Variants in PEX5 observed in about 807,000 individuals in gnomAD.
PEX5 encodes the protein peroxisomal biogenesis factor 5.
In PEX5, 52 loss-of-function variants were observed where a neutral mutation model predicts 82.9. The observed-to-expected ratio is 0.63, with a 90% CI of 0.50 to 0.79. PEX5 has a LOEUF of 0.79. Among genes scored for constraint, PEX5 ranks in the 30% least tolerant of loss-of-function variants. The probability of loss-of-function intolerance (pLI) is 0.00; values close to 1 mark genes in which losing one functional copy is unlikely to be tolerated. For missense variants in PEX5, 719 were observed against 815.2 expected, an observed-to-expected ratio of 0.88 and a Z score of 1.44; for synonymous variants, 300 against 318.8, an observed-to-expected ratio of 0.94 and a Z score of 0.63.
downstream of PEX5, among the ~76,000 whole-genome samples, chr12:7,215,509 G>T (rs1945752266): frequency 6.6e-6 from 1 of 152,186 alleles, no homozygotes; most frequent in Non-Finnish European, 1.5e-5. Flanking sequence ...ATCAATGGTG[G>T]ACTGGATAAA....
At chr12:7,216,153 A>G (rs1945773069), downstream of PEX5, among the ~76,000 whole-genome samples, 1 of 152,102 alleles carries the variant, frequency 6.6e-6, no homozygotes. Flanking sequence ...TTTTTAGTAG[A>G]GACAAGGTTT....
At chr12:7,198,972 T>G (rs1943222232) in intron 5 of PEX5, 39 bp from the exon 6 acceptor site, 2 of 1,141,272 alleles carry the variant, frequency 1.8e-6, no homozygotes, top group South Asian at 2.6e-5. Context: ...CCACACTGAA[T>G]GAACCTGTGT....
intron 5 of PEX5, among the ~76,000 whole-genome samples, chr12:7,193,087 CTT>C (rs1941449370): frequency 6.6e-6 from 1 of 152,166 alleles, no homozygotes; most frequent in Non-Finnish European, 1.5e-5. Flanking sequence ...CTCATTAGAA[CTT>C]CACAGTAACA....
downstream of PEX5, among the ~76,000 whole-genome samples, chr12:7,215,205 A>ATCTC (rs1377942851): frequency 6.6e-6 from 1 of 152,224 alleles, no homozygotes; most frequent in East Asian, 1.9e-4. Context: ...ATGAGATACC[A>ATCTC]TCTCACACCA....
At chr12:7,197,272 C>A (rs1942763161) in intron 5 of PEX5, among the ~76,000 whole-genome samples, 4 of 130,734 alleles carry the variant, frequency 3.1e-5, no homozygotes, top group African/African-American at 8.6e-5. Context: ...TTATATATGT[C>A]ATATATAATG....
upstream of PEX5, chr12:7,189,471 C>G (rs1343511579): frequency 6.4e-6 from 1 of 155,866 alleles, no homozygotes; most frequent in Non-Finnish European, 1.4e-5. Context: ...CAAACAAATC[C>G]TAGGGCCCGT....
Position 7,200,089 on chromosome 12 carries a change from C to T in PEX5, c.551+976C>T, listed in dbSNP as rs1348806193. Reference sequence around the variant, plus strand: ...GGGGGGCTGACCCCCACCTCCCTCCCGGACGGGGTGGCTGCCGGGCGGAGA... The same window carrying T: ...GGGGGGCTGACCCCCACCTCCCTCCTGGACGGGGTGGCTGCCGGGCGGAGA... On this transcript the variant is annotated intron_variant, in intron 6 of 15. Transcript: ENST00000675855. Among the ~76,000 whole-genome samples, 19 of 138,348 alleles carry T rather than the reference C, an allele frequency of 1.4e-4. No individual in the cohort carries two copies. The South Asian group carries it at 2.6e-3, about 19-fold the overall frequency. 90.8% of individuals were successfully genotyped at this position (138,348 alleles called of 152,430 possible).
chr12:7,197,390 AATT>A (rs1160791686), intron 5 of PEX5, among the ~76,000 whole-genome samples: 1 of 103,502 alleles, frequency 9.7e-6, no homozygotes, highest in African/African-American at 3.8e-5. Flanking sequence ...ACAATGTAAT[AATT>A]ATATATATGT....
Position 7,208,516 on chromosome 12 carries a change from CCAA to C in PEX5, c.1243_1245del (p.Asn415del). On this transcript the variant is annotated inframe_deletion, in exon 13 of 16. Coordinates refer to ENST00000675855, the MANE Select transcript of PEX5 (RefSeq NM_001351132.2). ...CTGATGGCGCTGGCTGTGAGCTTCA[CCAA>C]CGAGTCCCTGCAGCGACAGGCCTGT... The C allele has an allele frequency of 6.2e-7, 1 of 1,614,140 alleles. No individual in the cohort carries two copies. Among genetic ancestry groups the C allele is most frequent in the East Asian group, 2.2e-5 (1 of 44,874 alleles).
rs2136243242 is a variant in PEX5, at chr12:7,209,080, G to A, written c.1470G>A (p.Val490=). Residue 490 remains valine, a synonymous_variant, in exon 14 of 16, where the codon GTG becomes GTA. Coordinates refer to ENST00000675855, the MANE Select transcript of PEX5 (RefSeq NM_001351132.2). ...ACCCTACCTCCATTGACCCTGATGTGCAGTGTGGCTTGGGAGTCCTTTTCA... is the reference window on the plus strand; with the variant it reads ...ACCCTACCTCCATTGACCCTGATGTACAGTGTGGCTTGGGAGTCCTTTTCA... The part of the protein sequence containing the change: ...RLDPTSIDPD[V]QCGLGVLFNL... 4.3e-6 allele frequency: 7 copies of A among 1,614,034 alleles called. No individual in the cohort carries two copies. Among genetic ancestry groups the A allele is most frequent in the Non-Finnish European group, 5.9e-6 (7 of 1,179,946 alleles).
At position 7,197,375 on chromosome 12, in the gene PEX5, CATATACAATGTAATAA is replaced by C. The variant is rs1453055835; in HGVS notation, c.449-1635_449-1620del. On this transcript the variant is annotated intron_variant, in intron 5 of 15. Coordinates refer to ENST00000675855, the MANE Select transcript of PEX5 (RefSeq NM_001351132.2). ...TATACAATGTAATAATTATATATGT[CATATACAATGTAATAA>C]TTATATATATGTCATATACAATGTA... Among the ~76,000 whole-genome samples the C allele has an allele frequency of 5.6e-4, 77 of 137,640 alleles. 2 individuals are homozygous for C. The highest frequency in any genetic ancestry group is 2.2e-3 in the Admixed American group (29 of 13,458). The allele number at this position is 137,640 out of a possible 152,430, so 90.3% of individuals were successfully genotyped here. A position where few individuals can be genotyped will look rare whatever the true frequency, so the allele number is the denominator to read the frequency against.
At chr12:7,207,242 A>G (rs1443702304) in intron 10 of PEX5, among the ~76,000 whole-genome samples, 2 of 152,190 alleles carry the variant, frequency 1.3e-5, no homozygotes, top group African/African-American at 4.8e-5. Flanking sequence ...CATTTCCTTT[A>G]TACATCATCA....
rs746104983 is a variant in PEX5, at chr12:7,199,109, C to T, written c.547C>T (p.Arg183Cys). 1.6e-5 allele frequency: 25 copies of T among 1,570,050 alleles called. No individual in the cohort carries two copies. Among genetic ancestry groups the T allele is most frequent in the Middle Eastern group, 1.7e-4 (1 of 5,990 alleles). Residue 183 changes from arginine (R) to cysteine (C), a missense_variant, in exon 6 of 16, where the codon CGC becomes TGC. Arg to Cys is a radical substitution (Grantham distance 180, BLOSUM62 -3). Coordinates refer to ENST00000675855, the MANE Select transcript of PEX5 (RefSeq NM_001351132.2). ...AGAACCTGAGGGAACAGCCACCGAT[C>T]GCTGGTGAGTTCAGATACCTCTTTC... ...LGEPEGTATD[R>C]WYDEYHPEED...
At chr12:7,198,938 G>A in intron 5 of PEX5, 73 bp from the exon 6 acceptor site, 1 of 793,774 alleles carries the variant, frequency 1.3e-6, no homozygotes, top group Non-Finnish European at 2.2e-6. Context: ...TTGAATATGG[G>A]CATCTCTTTC....
At position 7,210,221 on chromosome 12, in the gene PEX5, T is replaced by G; in HGVS notation, c.1918T>G (p.Ter640GlyextTer47). ...TLLTMFGLPQ* is the reference protein window; with the variant it reads ...TLLTMFGLPQG Reference sequence around the variant, plus strand: ...CCTAACTATGTTTGGCCTGCCCCAGTGACAGTGGGACGGGCTGCCCTGTGA... The same window carrying G: ...CCTAACTATGTTTGGCCTGCCCCAGGGACAGTGGGACGGGCTGCCCTGTGA... The change falls in exon 16 of 16, where the codon TGA (stop) becomes GGA (glycine). Residue 640 changes from the stop codon to glycine, a stop_lost. Transcript: ENST00000675855. The G allele has an allele frequency of 1.2e-6, 2 of 1,614,008 alleles. No individual in the cohort carries two copies. Among genetic ancestry groups the G allele is most frequent in the South Asian group, 2.2e-5 (2 of 91,086 alleles).
intron 5 of PEX5, among the ~76,000 whole-genome samples, chr12:7,197,393 T>TATATGTCATACAATGTA (rs1565688650): frequency 1.7e-5 from 1 of 58,868 alleles, no homozygotes; most frequent in South Asian, 6.9e-4. Context: ...ATGTAATAAT[T>TATATGTCATACAATGTA]ATATATATGT....
At position 7,203,467 on chromosome 12, in the gene PEX5, G is replaced by A. The variant is rs759414887; in HGVS notation, c.882G>A (p.Glu294=). The A allele has an allele frequency of 6.2e-7, 1 of 1,614,018 alleles. No individual in the cohort carries two copies. Among genetic ancestry groups the A allele is most frequent in the Non-Finnish European group, 8.5e-7 (1 of 1,179,984 alleles). The change falls in exon 10 of 16, where the codon GAG becomes GAA. Residue 294 remains glutamate, a synonymous_variant. Coordinates refer to ENST00000675855, the MANE Select transcript of PEX5 (RefSeq NM_001351132.2). ...ATTTCTGGGACAAGTTGCAGGCAGA[G>A]TTGGAGGAGATGGCAAAACGGGATG... ...DVDFWDKLQA[E]LEEMAKRDAE...
chr12:7,201,899 C>A, intron 7 of PEX5, 58 bp downstream of exon 7: 1 of 1,230,384 alleles, frequency 8.1e-7, no homozygotes, highest in Non-Finnish European at 1.2e-6. Context: ...AGGCAAGAAT[C>A]TTGCTTTTCT....
rs74528900 is a variant in PEX5, at chr12:7,190,628, A to C, written c.147+104A>C. 108 of 1,511,090 alleles carry C rather than the reference A, an allele frequency of 7.1e-5. No individual in the cohort carries two copies. In the African/African-American group the frequency reaches 1.6e-3, roughly 23 times the overall value. 93.6% of individuals were successfully genotyped at this position (1,511,090 alleles called of 1,614,324 possible). ...GCCTCTGAGGCAGTGAGTGTTCTTG[A>C]GGTGGAAAGCCCAGGTGGTGGTGGT... On this transcript the variant is annotated intron_variant, in intron 2 of 15. Coordinates refer to ENST00000675855, the MANE Select transcript of PEX5 (RefSeq NM_001351132.2).
Sources: gnomAD v4.1 joint callset for allele counts (sites outside exome capture counted in the v4.1 genomes callset) on GRCh38, gnomAD v4.1.1 for gene constraint, MANE v1.5 for transcripts, NCBI Gene and HGNC (gene_info 2026-07-23, HGNC 2026-07-21) for gene names.